The following ROBO1 variants were observed in gnomAD, a reference collection of about 807,000 sequenced individuals.
The protein encoded by ROBO1 is roundabout homolog 1.
Under a neutral mutation model 195.9 loss-of-function variants are expected in ROBO1, and 149 were observed. That is an observed-to-expected ratio of 0.76 (90% CI 0.67 to 0.87). The LOEUF (loss-of-function observed/expected upper bound fraction) is 0.87, where lower values mean the gene tolerates loss of function less well. Ranked by LOEUF, ROBO1 falls within the 40% of genes least tolerant of loss-of-function variation. The pLI, the probability that ROBO1 is intolerant of heterozygous loss-of-function variation, is 0.00. For missense variants in ROBO1, 1,933 were observed against 2,068.3 expected, an observed-to-expected ratio of 0.93 and a Z score of 1.27; for synonymous variants, 816 against 733.2, an observed-to-expected ratio of 1.11 and a Z score of -1.82.
intron 3 of ROBO1, among the ~76,000 whole-genome samples, chr3:79,055,953 C>T (rs899389308): frequency 6.6e-6 from 1 of 152,000 alleles, no homozygotes; most frequent in African/African-American, 2.4e-5. Context: ...TTCTCTTTCT[C>T]CCTGGAATTC....
chr3:79,663,720 C>A (rs1419128530), intron 1 of ROBO1, among the ~76,000 whole-genome samples: 3 of 151,998 alleles, frequency 2.0e-5, no homozygotes, highest in Non-Finnish European at 4.4e-5. Flanking sequence ...AGAGCACTTG[C>A]CATAATCTGC....
chr3:79,663,323 T>C (rs545392341), intron 1 of ROBO1, among the ~76,000 whole-genome samples: 1 of 152,232 alleles, frequency 6.6e-6, no homozygotes, highest in African/African-American at 2.4e-5. Flanking sequence ...AGTTATTTAT[T>C]GGATTATATG....
At chr3:78,988,035 CTTAATAACTT>C (rs2077152863) in intron 3 of ROBO1, among the ~76,000 whole-genome samples, 1 of 151,966 alleles carries the variant, frequency 6.6e-6, no homozygotes, top group African/African-American at 2.4e-5. Flanking sequence ...TGTATATTCC[CTTAATAACTT>C]TTGGTGAGTA....
intron 4 of ROBO1, among the ~76,000 whole-genome samples, chr3:78,809,295 C>T (rs2084651859): frequency 6.6e-6 from 1 of 152,042 alleles, no homozygotes; most frequent in African/African-American, 2.4e-5. Flanking sequence ...CTATGAGATG[C>T]CATCACATCA....
chr3:79,057,533 A>G (rs903911468), intron 3 of ROBO1, among the ~76,000 whole-genome samples: 5 of 152,028 alleles, frequency 3.3e-5, no homozygotes, highest in Non-Finnish European at 5.9e-5. Context: ...CCTGATGGCA[A>G]TGAAGACCCA....
At chr3:79,691,411 A>C (rs1947294091) in intron 1 of ROBO1, among the ~76,000 whole-genome samples, 2 of 151,688 alleles carry the variant, frequency 1.3e-5, no homozygotes, top group African/African-American at 4.8e-5. Flanking sequence ...TATTCTTTAC[A>C]TAATAGAGTA....
At chr3:78,724,513 TAA>T (rs138643700) in intron 5 of ROBO1, among the ~76,000 whole-genome samples, 75,151 of 89,850 alleles carry the variant, frequency 0.84, 32,175 homozygotes, top group East Asian at 0.95. Context: ...CCATCTCTAC[TAA>T]AAAAAAAAAA....
chr3:79,626,739 A>G (rs1013141121), intron 1 of ROBO1, among the ~76,000 whole-genome samples: 2 of 152,176 alleles, frequency 1.3e-5, no homozygotes, highest in Non-Finnish European at 2.9e-5. Context: ...ATGATTTTAT[A>G]TTTAGAAAAT....
intron 1 of ROBO1, among the ~76,000 whole-genome samples, chr3:79,752,875 A>G (rs1181725969): frequency 1.3e-5 from 2 of 152,176 alleles, no homozygotes; most frequent in Non-Finnish European, 2.9e-5. Flanking sequence ...ATCATCAACT[A>G]TAAAGACTGA....
intron 3 of ROBO1, chr3:79,019,433 T>C (rs1319201710): frequency 2.0e-6 from 2 of 986,062 alleles, no homozygotes; most frequent in Non-Finnish European, 2.4e-6. Flanking sequence ...GTTTCTGCTC[T>C]CACGCTGCCT....
At chr3:79,283,700 CT>C (rs762896053) in intron 2 of ROBO1, among the ~76,000 whole-genome samples, 4,267 of 141,130 alleles carry the variant, frequency 0.03, 126 homozygotes, top group African/African-American at 0.096. Context: ...TCCATGAATT[CT>C]TTTTTTTTTT....
At chr3:78,751,781 G>A (rs1406382177) in intron 4 of ROBO1, among the ~76,000 whole-genome samples, 3 of 152,040 alleles carry the variant, frequency 2.0e-5, no homozygotes, top group Non-Finnish European at 4.4e-5. Flanking sequence ...CACATATGAT[G>A]TGCTAATTTT....
chr3:79,164,300 T>C (rs1384159138), intron 2 of ROBO1, among the ~76,000 whole-genome samples: 1 of 152,202 alleles, frequency 6.6e-6, no homozygotes, highest in African/African-American at 2.4e-5. Flanking sequence ...TACTAATATG[T>C]GGTTTCAAAA....
intron 15 of ROBO1, 107 bp from the exon 16 acceptor site, chr3:78,661,368 A>T: frequency 1.6e-6 from 1 of 613,902 alleles, no homozygotes; most frequent in Non-Finnish European, 2.6e-6. Context: ...GTCTGGCTTC[A>T]TCCCACATTC....
chr3:78,727,941 ATAAT>A (rs1205710422), intron 5 of ROBO1, among the ~76,000 whole-genome samples: 8 of 152,092 alleles, frequency 5.3e-5, no homozygotes, highest in Non-Finnish European at 1.2e-4. Context: ...ATCTCACAAA[ATAAT>A]TTTAAAATTC....
intron 2 of ROBO1, among the ~76,000 whole-genome samples, chr3:79,235,833 G>T (rs535997041): frequency 1.3e-5 from 2 of 152,130 alleles, no homozygotes; most frequent in South Asian, 2.1e-4. Flanking sequence ...AATACAAAAA[G>T]ATTTTTTGCA....
intron 2 of ROBO1, among the ~76,000 whole-genome samples, chr3:79,163,345 C>T (rs760339385): frequency 1.3e-5 from 2 of 152,100 alleles, no homozygotes; most frequent in Admixed American, 1.3e-4. Flanking sequence ...CATGTTGCAG[C>T]ATGTGTCAGA....
intron 4 of ROBO1, among the ~76,000 whole-genome samples, chr3:78,765,486 A>T (rs1172527808): frequency 6.6e-6 from 1 of 152,138 alleles, no homozygotes; most frequent in East Asian, 1.9e-4. Flanking sequence ...AAGTAAAACA[A>T]TATTATCTTT....
chr3:79,752,655 T>A (rs1244953673), intron 1 of ROBO1, among the ~76,000 whole-genome samples: 1 of 152,040 alleles, frequency 6.6e-6, no homozygotes, highest in African/African-American at 2.4e-5. Context: ...CACAGCTGAT[T>A]GGCATATTTG....
Sources: gnomAD v4.1 joint callset for allele counts (sites outside exome capture counted in the v4.1 genomes callset) on GRCh38, gnomAD v4.1.1 for gene constraint, MANE v1.5 for transcripts, NCBI Gene and HGNC (gene_info 2026-07-23, HGNC 2026-07-21) for gene names.